The following MAPRE3 variants were observed in gnomAD, a reference collection of about 807,000 sequenced individuals.
MAPRE3 encodes the protein microtubule associated protein RP/EB family member 3.
MAPRE3 carries 2 observed loss-of-function variants against 30.5 expected under a neutral mutation model. The ratio of observed to expected loss-of-function variants is 0.07; its 90% CI spans 0.03 to 0.21. The LOEUF (loss-of-function observed/expected upper bound fraction) is 0.21. Ranked by LOEUF, MAPRE3 falls within the 10% of genes least tolerant of loss-of-function variation. MAPRE3 has a pLI of 1.00. For synonymous variants in MAPRE3, 110 were observed against 127.7 expected (o/e 0.86, Z 0.93); for missense variants, 204 against 351.8 (o/e 0.58, Z 3.36).
chr2:26,991,226 C>T (rs937025490), intron 1 of MAPRE3, among the ~76,000 whole-genome samples: 1 of 152,146 alleles, frequency 6.6e-6, no homozygotes, highest in Non-Finnish European at 1.5e-5. Context: ...TGCACTCCAG[C>T]CTGGGCGACA....
At chr2:27,025,797 G>T in intron 5 of MAPRE3, 60 bp downstream of exon 5, 1 of 1,613,726 alleles carries the variant, frequency 6.2e-7, no homozygotes, top group East Asian at 2.2e-5. Context: ...GGCCCTTGGG[G>T]TGTCTGCAGG....
intron 1 of MAPRE3, among the ~76,000 whole-genome samples, chr2:26,981,805 C>T (rs1416950925): frequency 2.0e-5 from 3 of 152,186 alleles, no homozygotes; most frequent in African/African-American, 7.2e-5. Flanking sequence ...CCTCCTCCAC[C>T]TACACTCCAG....
Position 27,025,757 on chromosome 2 carries a change from G to T in MAPRE3, c.624+20G>T, listed in dbSNP as rs1025063116. Reference sequence around the variant, plus strand: ...CAACAGGTGAGTGGGATGGGTAAGGGTAGCTGAGATAGCCCTGTCACCAAA... The same window carrying T: ...CAACAGGTGAGTGGGATGGGTAAGGTTAGCTGAGATAGCCCTGTCACCAAA... On this transcript the variant is annotated intron_variant, in intron 5 of 6. Transcript: ENST00000233121. 2 of 1,614,174 alleles carry T rather than the reference G, an allele frequency of 1.2e-6. No homozygotes were observed. The highest frequency in any genetic ancestry group is 1.7e-5 in the Admixed American group (1 of 60,016).
intron 1 of MAPRE3, among the ~76,000 whole-genome samples, chr2:27,016,931 G>T (rs2148223914): frequency 6.6e-6 from 1 of 152,160 alleles, no homozygotes; most frequent in South Asian, 2.1e-4. Flanking sequence ...AGGCCCCTCA[G>T]CCAGCCCAGC....
At chr2:26,991,203 G>T (rs183048768) in intron 1 of MAPRE3, among the ~76,000 whole-genome samples, 54 of 152,120 alleles carry the variant, frequency 3.5e-4, no homozygotes, top group Non-Finnish European at 8.8e-5. Flanking sequence ...GCAGTGAGCC[G>T]AGTTCGTGCC....
intron 1 of MAPRE3, among the ~76,000 whole-genome samples, chr2:26,997,436 G>A (rs559973724): frequency 1.1e-4 from 16 of 152,000 alleles, no homozygotes; most frequent in Non-Finnish European, 1.6e-4. Context: ...TCTTCTTCCC[G>A]TGTGACCCAG....
intron 1 of MAPRE3, among the ~76,000 whole-genome samples, chr2:26,992,548 T>A (rs10166897): frequency 0.55 from 81,620 of 149,604 alleles, 23,845 homozygotes; most frequent in African/African-American, 0.75. Flanking sequence ...TTTTTTTTTT[T>A]AATCCTGACC....
At chr2:27,019,726 G>A (rs560779510) in intron 1 of MAPRE3, among the ~76,000 whole-genome samples, 2 of 152,216 alleles carry the variant, frequency 1.3e-5, no homozygotes, top group East Asian at 1.9e-4. Flanking sequence ...GGCCCCGCCT[G>A]GCCTCCCTTT....
intron 1 of MAPRE3, among the ~76,000 whole-genome samples, chr2:26,999,724 A>G (rs1009182422): frequency 2.0e-5 from 3 of 150,924 alleles, no homozygotes; most frequent in African/African-American, 7.3e-5. Context: ...CTGGTCTCGA[A>G]CTCCTGACCT....
At chr2:27,020,427 C>T (rs1349758460) in intron 1 of MAPRE3, among the ~76,000 whole-genome samples, 2 of 152,214 alleles carry the variant, frequency 1.3e-5, no homozygotes, top group African/African-American at 2.4e-5. Flanking sequence ...AAACACAGTC[C>T]TTTTGACCTA....
chr2:27,009,308 G>GAAA (rs1666799245), intron 1 of MAPRE3, among the ~76,000 whole-genome samples: 1 of 152,204 alleles, frequency 6.6e-6, no homozygotes, highest in Non-Finnish European at 1.5e-5. Flanking sequence ...AGCTGGATGA[G>GAAA]TAGACATGAA....
chr2:26,999,488 C>CTTTTTTTTTTTTTTT (rs531651199), intron 1 of MAPRE3, among the ~76,000 whole-genome samples: 4 of 79,000 alleles, frequency 5.1e-5, no homozygotes, highest in Non-Finnish European at 6.8e-5. Flanking sequence ...TTCCTTCTTT[C>CTTTTTTTTTTTTTTT]TTTTTTTTTT....
chr2:26,990,930 A>C (rs1003083667), intron 1 of MAPRE3, among the ~76,000 whole-genome samples: 3 of 152,090 alleles, frequency 2.0e-5, no homozygotes, highest in Non-Finnish European at 4.4e-5. Flanking sequence ...TTTCCCTGAC[A>C]CTCAGTGGGT....
intron 1 of MAPRE3, among the ~76,000 whole-genome samples, chr2:27,020,914 T>C (rs1413571814): frequency 2.0e-5 from 3 of 152,034 alleles, no homozygotes. Flanking sequence ...AGAGAGAAAA[T>C]ACAGTCAGCC....
chr2:27,024,387 C>T, intron 4 of MAPRE3, 90 bp downstream of exon 4: 1 of 1,203,054 alleles, frequency 8.3e-7, no homozygotes, highest in South Asian at 1.5e-5. Flanking sequence ...CGGCCCGGCC[C>T]TGCCAGCCTG....
In MAPRE3 at chr2:26,995,091, G is replaced by T. The variant is rs553338716; in HGVS notation, c.-8+24289G>T. Among the ~76,000 whole-genome samples, 5 of 152,176 alleles carry T rather than the reference G, an allele frequency of 3.3e-5. No homozygotes were observed. The East Asian group carries it at 9.7e-4, about 29-fold the overall frequency. ...TTGTAAGGGCCAGATAGTAAATATT[G>T]TATGCTTTGCTGGCCATATTGTCTC... On this transcript the variant is annotated intron_variant, in intron 1 of 6. Coordinates refer to ENST00000233121, the MANE Select transcript of MAPRE3 (RefSeq NM_012326.4).
chr2:26,981,587 T>A (rs1666113097), intron 1 of MAPRE3, among the ~76,000 whole-genome samples: 1 of 152,200 alleles, frequency 6.6e-6, no homozygotes, highest in African/African-American at 2.4e-5. Flanking sequence ...CACTAACATT[T>A]CTTAAAGGAA....
At chr2:26,993,805 A>G (rs981317723) in intron 1 of MAPRE3, among the ~76,000 whole-genome samples, 4 of 152,162 alleles carry the variant, frequency 2.6e-5, no homozygotes, top group African/African-American at 9.7e-5. Flanking sequence ...TCTTTATCCT[A>G]CTACTGTAGG....
At chr2:26,984,400 A>C (rs1572745123) in intron 1 of MAPRE3, among the ~76,000 whole-genome samples, 1 of 152,192 alleles carries the variant, frequency 6.6e-6, no homozygotes, top group Admixed American at 6.5e-5. Flanking sequence ...ACATACTAAC[A>C]TATTATTTTT....
Sources: allele counts gnomAD v4.1 joint callset (sites outside exome capture counted in the v4.1 genomes callset), GRCh38; gene constraint gnomAD v4.1.1; transcripts MANE v1.5; gene names NCBI Gene and HGNC (gene_info 2026-07-23, HGNC 2026-07-21).